The following ITIH4 variants were observed in gnomAD, a reference collection of about 807,000 sequenced individuals.
ITIH4 encodes inter-alpha-trypsin inhibitor heavy chain H4.
In ITIH4, 79 loss-of-function variants were observed where a neutral mutation model predicts 111.8. The observed-to-expected ratio is 0.71, with a 90% CI of 0.59 to 0.85. ITIH4 has a LOEUF of 0.85. Among genes scored for constraint, ITIH4 ranks in the 40% least tolerant of loss-of-function variants. The pLI is 0.00. For synonymous variants in ITIH4, 472 were observed against 468.3 expected (o/e 1.01, Z -0.10); for missense variants, 1,065 against 1,195.8 (o/e 0.89, Z 1.61).
Position 52,818,074 on chromosome 3 carries a change from G to C in ITIH4, c.2274C>G (p.Asn758Lys), listed in dbSNP as rs751722903. ...CACCTTGCTCAGGGTCTGAGAGCAG[G>C]TTCACTGGCCCCTGGCGGTGTCTGG... ...VDPRHRQGPV[N>K]LLSDPEQGVE... The change falls in exon 20 of 24, where the codon AAC becomes AAG. Residue 758 changes from asparagine (N) to lysine (K), a missense_variant. Coordinates refer to ENST00000266041, the MANE Select transcript of ITIH4 (RefSeq NM_002218.5). 1.9e-6 allele frequency: 3 copies of C among 1,613,396 alleles called. No homozygotes were observed. In the African/African-American group the frequency reaches 4.0e-5, roughly 22 times the overall value.
In ITIH4 at chr3:52,821,426, C is replaced by T. The variant is rs892784209; in HGVS notation, c.1540-296G>A. Among the ~76,000 whole-genome samples, 13 of 152,240 alleles carry T rather than the reference C, an allele frequency of 8.5e-5. 1 individual carries two copies. The highest frequency in any genetic ancestry group is 2.9e-4 in the African/African-American group (12 of 41,512). On this transcript the variant is annotated intron_variant, in intron 11 of 23. Transcript: ENST00000266041. ...ACCTCTGGAAGAAAGGGATGGGAACCCCAGGCCAGTGTAGAAACAGCAGCA... is the reference window on the plus strand; with the variant it reads ...ACCTCTGGAAGAAAGGGATGGGAACTCCAGGCCAGTGTAGAAACAGCAGCA...
rs757067259 is a variant in ITIH4 at position 52,826,637 on chromosome 3, G to A, written c.534C>T (p.Ile178=). Residue 178 remains isoleucine, a synonymous_variant, in exon 5 of 24, where the codon ATC becomes ATT. Transcript: ENST00000266041. ...GAAAGCTGATGCCCTGGGGCTCGAA[G>A]ATGTGAATGTCCATCTGGAGGCAAG... ...LVKHLQMDIH[I]FEPQGISFLE... The A allele has an allele frequency of 6.8e-6, 11 of 1,613,940 alleles. No homozygotes were observed. Among genetic ancestry groups the A allele is most frequent in the East Asian group, 2.2e-5 (1 of 44,888 alleles).
chr3:52,819,628 T>C, intron 16 of ITIH4, 110 bp from the exon 17 acceptor site: 1 of 1,579,092 alleles, frequency 6.3e-7, no homozygotes, highest in Admixed American at 1.7e-5. Flanking sequence ...CTATGTCCCC[T>C]CTCCCCACAC....
chr3:52,813,537 G>C (rs202213784), intron 23 of ITIH4, 47 bp from the exon 24 acceptor site: 7 of 1,541,876 alleles, frequency 4.5e-6, no homozygotes, highest in Non-Finnish European at 6.3e-6. Context: ...GCAAATCTCA[G>C]GTGTGGTGCG....
rs746791654 is a variant in ITIH4, at chr3:52,826,556, C to A, written c.615G>T (p.Trp205Cys). 6.2e-7 allele frequency: 1 copy of A among 1,613,848 alleles called. No homozygotes were observed. Among genetic ancestry groups the A allele is most frequent in the Non-Finnish European group, 8.5e-7 (1 of 1,179,774 alleles). The change falls in exon 5 of 24, where the codon TGG (tryptophan) becomes TGT (cysteine). Residue 205 changes from tryptophan (W) to cysteine (C), a missense_variant. By Grantham distance (215) the Trp-to-Cys change is radical. Coordinates refer to ENST00000266041, the MANE Select transcript of ITIH4 (RefSeq NM_002218.5). ...TNQLVDALTTWQNKTKAHIRF... is the reference protein window; with the variant it reads ...TNQLVDALTTCQNKTKAHIRF... ...ACAGGCCCACCTTGGTCTTATTCTG[C>A]CAGGTGGTGAGGGCGTCTACCAGCT...
At chr3:52,814,457 T>C (rs932272343) in intron 21 of ITIH4, 94 bp from the exon 22 acceptor site, 16 of 1,118,430 alleles carry the variant, frequency 1.4e-5, no homozygotes, top group Middle Eastern at 2.1e-4. Flanking sequence ...CTTCCCCTCT[T>C]GTCCAGGAAG....
chr3:52,814,908 T>A (rs1452735622), intron 21 of ITIH4, among the ~76,000 whole-genome samples: 1 of 152,090 alleles, frequency 6.6e-6, no homozygotes, highest in South Asian at 2.1e-4. Context: ...ATTCAGTTTG[T>A]CATAAATTAA....
At chr3:52,820,857 G>T (rs776011492) in intron 12 of ITIH4, 72 bp from the exon 13 acceptor site, 2 of 1,556,596 alleles carry the variant, frequency 1.3e-6, no homozygotes, top group East Asian at 2.3e-5. Flanking sequence ...AGCCCCTTCT[G>T]GGGAGGTCCC....
chr3:52,813,631 C>T (rs1700227390), intron 23 of ITIH4, 141 bp from the exon 24 acceptor site: 1 of 749,546 alleles, frequency 1.3e-6, no homozygotes, highest in East Asian at 2.6e-5. Flanking sequence ...CATAGGCCAA[C>T]AAGGCCCAGT....
intron 18 of ITIH4, 48 bp from the exon 19 acceptor site, chr3:52,818,331 G>A (rs1458051712): frequency 1.3e-6 from 2 of 1,568,966 alleles, no homozygotes; most frequent in Non-Finnish European, 1.7e-6. Context: ...CCTGAGGAGT[G>A]GGAGGTTGAG....
intron 2 of ITIH4, among the ~76,000 whole-genome samples, chr3:52,828,054 C>T (rs1354254547): frequency 2.6e-5 from 4 of 152,188 alleles, no homozygotes; most frequent in African/African-American, 9.7e-5. Context: ...GGTGAGTGGG[C>T]AGTGGCACTC....
In ITIH4 at chr3:52,813,462, GC is replaced by G; in HGVS notation, c.2751del (p.Pro919ArgfsTer51). 3 of 1,614,056 alleles carry G rather than the reference GC, an allele frequency of 1.9e-6. No individual in the cohort carries two copies. The highest frequency in any genetic ancestry group is 2.5e-6 in the Non-Finnish European group (3 of 1,179,976). On this transcript the variant is annotated frameshift_variant, in exon 24 of 24. Transcript: ENST00000266041. LOFTEE classifies it high-confidence loss of function. Reference protein sequence around the residue: ...TRERRLDYQEGPPGVEISCWS... With the variant: ...TRERRLDYQEXPPGVEISCWS... ...CAGCAGGAAATCTCCACTCCCGGGG[GC>G]CCCTCCTGGTAATCCAGCCTGCGCT...
intron 11 of ITIH4, 21 bp downstream of exon 11, chr3:52,823,535 G>A: frequency 1.3e-6 from 2 of 1,574,708 alleles, no homozygotes; most frequent in Non-Finnish European, 1.7e-6. Flanking sequence ...TCCCCTCCAG[G>A]GTGGCTTTGG....
At position 52,829,167 on chromosome 3, in the gene ITIH4, G is replaced by A; in HGVS notation, c.203C>T (p.Thr68Ile). The A allele has an allele frequency of 6.2e-7, 1 of 1,612,268 alleles. No individual in the cohort carries two copies. Among genetic ancestry groups the A allele is most frequent in the African/African-American group, 1.3e-5 (1 of 74,996 alleles). Reference sequence around the variant, plus strand: ...TTTCTTGGGCAGCTCCATCTGGAAGGTGGCCTCCTGCACAGTATTGGCCCT... The same window carrying A: ...TTTCTTGGGCAGCTCCATCTGGAAGATGGCCTCCTGCACAGTATTGGCCCT... Reference protein sequence around the residue: ...VNRANTVQEATFQMELPKKAF... With the variant: ...VNRANTVQEAIFQMELPKKAF... The change falls in exon 2 of 24, where the codon ACC (threonine) becomes ATC (isoleucine). Residue 68 changes from threonine (T) to isoleucine (I), a missense_variant. Physicochemically the swap from Thr to Ile is moderately conservative, Grantham distance 89. Transcript: ENST00000266041.
chr3:52,814,478 G>T, intron 21 of ITIH4, 115 bp from the exon 22 acceptor site: 1 of 863,428 alleles, frequency 1.2e-6, no homozygotes, highest in Non-Finnish European at 1.8e-6. Context: ...TCACGGAGTG[G>T]CCTTGGGTGG....
At position 52,829,111 on chromosome 3, in the gene ITIH4, G is replaced by A; in HGVS notation, c.251+8C>T. On this transcript the variant is annotated splice_region_variant and intron_variant, in intron 2 of 23. Transcript: ENST00000266041. The stretch of plus-strand genomic sequence containing the variant: ...GTGGAGAGGGGAGGAGGGTGGGAAG[G>A]CACCTACATGGAGAAGTTGGTGATG... 1 of 1,601,350 alleles carries A rather than the reference G, an allele frequency of 6.2e-7. No homozygotes were observed.
chr3:52,829,380 C>A, intron 1 of ITIH4, 101 bp from the exon 2 acceptor site: 1 of 1,288,218 alleles, frequency 7.8e-7, no homozygotes, highest in Non-Finnish European at 1.1e-6. Context: ...CTAGACCAAA[C>A]CCTGGCTCCC....
In ITIH4 at chr3:52,823,911, C is replaced by A; in HGVS notation, c.1265G>T (p.Ser422Ile). The change falls in exon 10 of 24, where the codon AGC (serine) becomes ATC (isoleucine). Residue 422 changes from serine to isoleucine, a missense_variant. Ser to Ile is a moderately radical substitution (Grantham distance 142, BLOSUM62 -2). Transcript: ENST00000266041. ...TGCCAGCTTCTCCAGGAAGGCATAGCTGACGTCGAAACCGAAGCCCAGGCA... is the reference window on the plus strand; with the variant it reads ...TGCCAGCTTCTCCAGGAAGGCATAGATGACGTCGAAACCGAAGCCCAGGCA... ...LFCLGFGFDV[S>I]YAFLEKLALD... 1 of 1,612,216 alleles carries A rather than the reference C, an allele frequency of 6.2e-7. No individual in the cohort carries two copies. Among genetic ancestry groups the A allele is most frequent in the Non-Finnish European group, 8.5e-7 (1 of 1,179,306 alleles).
rs1330847550 is a variant in ITIH4, at chr3:52,820,926, C to G, written c.1679+65G>C. On this transcript the variant is annotated intron_variant, in intron 12 of 23. Coordinates refer to ENST00000266041, the MANE Select transcript of ITIH4 (RefSeq NM_002218.5). Reference sequence around the variant, plus strand: ...AGACCCCCCTCTCTCCATGCTTAGGCGCTGTACCGTGCCACCTGTGCCTGC... The same window carrying G: ...AGACCCCCCTCTCTCCATGCTTAGGGGCTGTACCGTGCCACCTGTGCCTGC... The G allele has an allele frequency of 8.2e-6, 13 of 1,585,498 alleles. No individual in the cohort carries two copies. The Admixed American group carries it at 2.2e-4, about 27-fold the overall frequency.
Sources: allele counts gnomAD v4.1 joint callset (sites outside exome capture counted in the v4.1 genomes callset), GRCh38; gene constraint gnomAD v4.1.1; transcripts MANE v1.5; gene names NCBI Gene and HGNC (gene_info 2026-07-23, HGNC 2026-07-21).